The following KAT2B variants were observed in gnomAD, a reference collection of about 807,000 sequenced individuals.
KAT2B encodes the protein lysine acetyltransferase 2B.
KAT2B carries 36 observed loss-of-function variants against 105.9 expected under a neutral mutation model. That is an observed-to-expected ratio of 0.34 (90% CI 0.26 to 0.45). The LOEUF (loss-of-function observed/expected upper bound fraction) is 0.45, where lower values mean the gene tolerates loss of function less well. KAT2B is among the 20% of genes least tolerant of loss of function. The pLI, the probability that KAT2B is intolerant of heterozygous loss-of-function variation, is 1.00. For synonymous variants in KAT2B, 397 were observed against 377.9 expected (o/e 1.05, Z -0.59); for missense variants, 820 against 1,021.6 (o/e 0.80, Z 2.69).
intron 1 of KAT2B, among the ~76,000 whole-genome samples, chr3:20,051,811 T>C (rs142210659): frequency 7.7e-4 from 118 of 152,388 alleles, no homozygotes; most frequent in African/African-American, 2.7e-3. Flanking sequence ...CATCCACTTA[T>C]AAATTAGTCT....
At chr3:20,101,138 A>G (rs558541562) in intron 4 of KAT2B, 149 bp from the exon 5 acceptor site, 44 of 632,726 alleles carry the variant, frequency 7.0e-5, no homozygotes, top group African/African-American at 6.8e-4. Context: ...GGGGATTGCT[A>G]TTTTCTTTTA....
At chr3:20,113,955 A>G (rs1336402592) in intron 6 of KAT2B, among the ~76,000 whole-genome samples, 1 of 152,134 alleles carries the variant, frequency 6.6e-6, no homozygotes, top group East Asian at 1.9e-4. Flanking sequence ...GAAGAAGACC[A>G]CTGATAGCTT....
intron 1 of KAT2B, among the ~76,000 whole-genome samples, chr3:20,047,079 C>CA (rs1198091525): frequency 6.6e-6 from 1 of 151,800 alleles, no homozygotes; most frequent in Non-Finnish European, 1.5e-5. Context: ...TTTTGCCCCC[C>CA]CCTTTTTTTT....
At chr3:20,048,067 G>T (rs528022648) in intron 1 of KAT2B, among the ~76,000 whole-genome samples, 1 of 152,178 alleles carries the variant, frequency 6.6e-6, no homozygotes, top group Non-Finnish European at 1.5e-5. Flanking sequence ...ATAAGATGTT[G>T]TTTTAAAAGA....
chr3:20,065,755 A>G (rs1026932249), intron 1 of KAT2B, among the ~76,000 whole-genome samples: 2 of 152,070 alleles, frequency 1.3e-5, no homozygotes, highest in East Asian at 1.9e-4. Context: ...TCTCATATAT[A>G]TCAATAGGGT....
At chr3:20,131,812 C>T (rs1225809035) in intron 11 of KAT2B, among the ~76,000 whole-genome samples, 2 of 152,162 alleles carry the variant, frequency 1.3e-5, no homozygotes, top group East Asian at 3.9e-4. Flanking sequence ...GATCCTCCCT[C>T]CTTGGCCCCC....
intron 17 of KAT2B, among the ~76,000 whole-genome samples, chr3:20,150,064 C>CA (rs1699846062): frequency 6.6e-6 from 1 of 152,134 alleles, no homozygotes; most frequent in South Asian, 2.1e-4. Context: ...TGCTTGGTCC[C>CA]ACCCGTGAAG....
chr3:20,079,612 A>G lies in KAT2B; in HGVS notation c.430+7153A>G, dbSNP rs74667469. ...AAATACCAGTATTTTTCTCATGGAT[A>G]TTTCAAGTATTTAAATCATTTAGGC... On this transcript the variant is annotated intron_variant, in intron 2 of 17. Coordinates refer to ENST00000263754, the MANE Select transcript of KAT2B (RefSeq NM_003884.5). 8.5e-4 allele frequency among the ~76,000 whole-genome samples: 130 copies of G among 152,348 alleles called. 1 individual carries two copies. The East Asian group carries it at 0.022, about 26-fold the overall frequency.
chr3:20,120,196 A>G (rs1264898151), intron 8 of KAT2B, among the ~76,000 whole-genome samples: 2 of 151,306 alleles, frequency 1.3e-5, no homozygotes, highest in Non-Finnish European at 2.9e-5. Flanking sequence ...CTTGTAAACC[A>G]TCACTTCTGC....
At position 20,114,516 on chromosome 3, in the gene KAT2B, C is replaced by T. The variant is rs961011380; in HGVS notation, c.1044-366C>T. Among the ~76,000 whole-genome samples the T allele has an allele frequency of 2.5e-4, 36 of 145,906 alleles. 1 individual carries two copies. Among genetic ancestry groups the T allele is most frequent in the Admixed American group, 2.2e-3 (33 of 14,774 alleles). On this transcript the variant is annotated intron_variant, in intron 6 of 17. Transcript: ENST00000263754. ...GCAGTGCAGGCACAAAGCAAGCACT[C>T]GATAAATATTAGTAACTTTTATGAT...
intron 1 of KAT2B, among the ~76,000 whole-genome samples, chr3:20,067,337 T>A (rs1006180788): frequency 6.6e-6 from 1 of 152,130 alleles, no homozygotes; most frequent in Non-Finnish European, 1.5e-5. Flanking sequence ...TTTTTTTTTT[T>A]ATTGAGTAGG....
chr3:20,098,373 T>G (rs1049571808), intron 3 of KAT2B, among the ~76,000 whole-genome samples: 2 of 152,216 alleles, frequency 1.3e-5, no homozygotes, highest in Non-Finnish European at 2.9e-5. Context: ...GCTCTATCAC[T>G]TACTAAATGT....
At chr3:20,082,099 G>A (rs1218189762) in intron 2 of KAT2B, among the ~76,000 whole-genome samples, 2 of 151,994 alleles carry the variant, frequency 1.3e-5, no homozygotes, top group Non-Finnish European at 2.9e-5. Context: ...CAATGGTGCA[G>A]TCTTGGCTTA....
chr3:20,065,907 G>A (rs1240355611), intron 1 of KAT2B, among the ~76,000 whole-genome samples: 1 of 152,108 alleles, frequency 6.6e-6, no homozygotes, highest in Non-Finnish European at 1.5e-5. Flanking sequence ...TAATATGGAG[G>A]CCGCATGTAT....
chr3:20,069,225 C>CT (rs1698276384), intron 1 of KAT2B, among the ~76,000 whole-genome samples: 1 of 152,096 alleles, frequency 6.6e-6, no homozygotes, highest in South Asian at 2.1e-4. Context: ...TCAGCAAAGA[C>CT]TAGTAAATTT....
At chr3:20,091,385 T>C (rs1698715792) in intron 2 of KAT2B, among the ~76,000 whole-genome samples, 1 of 152,142 alleles carries the variant, frequency 6.6e-6, no homozygotes, top group Non-Finnish European at 1.5e-5. Flanking sequence ...TCTTCTCTTT[T>C]ATTTCTTTTG....
intron 7 of KAT2B, among the ~76,000 whole-genome samples, chr3:20,117,110 C>T (rs879933978): frequency 6.6e-6 from 1 of 152,168 alleles, no homozygotes. Context: ...TCCCCTTGAC[C>T]CTTGTTTGCT....
chr3:20,065,598 T>C (rs978349675), intron 1 of KAT2B, among the ~76,000 whole-genome samples: 1 of 152,164 alleles, frequency 6.6e-6, no homozygotes, highest in Non-Finnish European at 1.5e-5. Flanking sequence ...GTATGTCCTT[T>C]TTAGCAAATC....
At chr3:20,118,071 C>G (rs971872939) in intron 7 of KAT2B, among the ~76,000 whole-genome samples, 4 of 150,444 alleles carry the variant, frequency 2.7e-5, no homozygotes, top group African/African-American at 7.3e-5. Flanking sequence ...TACCCTTTCT[C>G]TATCCCTTCT....
Sources: allele counts gnomAD v4.1 joint callset (sites outside exome capture counted in the v4.1 genomes callset), GRCh38; gene constraint gnomAD v4.1.1; transcripts MANE v1.5; gene names NCBI Gene and HGNC (gene_info 2026-07-23, HGNC 2026-07-21).